The following EFCAB13 variants were observed in gnomAD, a reference collection of about 807,000 sequenced individuals.
The protein encoded by EFCAB13 is EF-hand calcium-binding domain-containing protein 13.
Under a neutral mutation model 110.2 loss-of-function variants are expected in EFCAB13, and 91 were observed. The ratio of observed to expected loss-of-function variants is 0.83; its 90% CI spans 0.70 to 0.98. The LOEUF (loss-of-function observed/expected upper bound fraction) is 0.98. Ranked by LOEUF, EFCAB13 falls within the 50% of genes least tolerant of loss-of-function variation. EFCAB13 has a pLI of 0.00. For synonymous variants in EFCAB13, 323 were observed against 369.9 expected (o/e 0.87, Z 1.45); for missense variants, 968 against 1,119.4 (o/e 0.86, Z 1.93).
chr17:47,439,171 G>GTTTTTTTT lies in EFCAB13; in HGVS notation c.2639-1243_2639-1236dup, dbSNP rs71141908. 3.1e-4 allele frequency among the ~76,000 whole-genome samples: 23 copies of GTTTTTTTT among 73,896 alleles called. 1 individual carries two copies. The highest frequency in any genetic ancestry group is 1.0e-3 in the South Asian group (2 of 1,970). 48.5% of individuals were successfully genotyped at this position (73,896 alleles called of 152,430 possible). On this transcript the variant is annotated intron_variant, in intron 24 of 24. Coordinates refer to ENST00000331493, the MANE Select transcript of EFCAB13 (RefSeq NM_152347.5). ...GCCACCTGAGTTTCCTCTTTGTTTT[G>GTTTTTTTT]TTTTTTTTTTTTTTTTTTTTTTTTA...
chr17:47,425,133 C>T (rs1904907135), intron 23 of EFCAB13, among the ~76,000 whole-genome samples: 1 of 151,518 alleles, frequency 6.6e-6, no homozygotes, highest in South Asian at 2.1e-4. Flanking sequence ...CCGCCCGCCT[C>T]GGCCTCCCAA....
At chr17:47,371,062 G>GTT (rs779767798) in intron 11 of EFCAB13, among the ~76,000 whole-genome samples, 110 of 108,974 alleles carry the variant, frequency 1.0e-3, no homozygotes, top group African/African-American at 3.0e-3. Flanking sequence ...TTTAATGGTT[G>GTT]TTTTTTTTTT....
intron 7 of EFCAB13, 68 bp downstream of exon 7, chr17:47,344,360 A>G: frequency 2.6e-6 from 4 of 1,523,610 alleles, no homozygotes; most frequent in Non-Finnish European, 3.6e-6. Context: ...CTCCAGAATC[A>G]TTTATCCCTT....
intron 17 of EFCAB13, among the ~76,000 whole-genome samples, chr17:47,398,020 G>C (rs191656389): frequency 0.015 from 2,178 of 145,768 alleles, 58 homozygotes; most frequent in East Asian, 0.12. Flanking sequence ...GAGGTGGGGG[G>C]ATCAGCCCCT....
chr17:47,338,856 CA>C (rs35131550), intron 5 of EFCAB13, among the ~76,000 whole-genome samples: 5 of 151,320 alleles, frequency 3.3e-5, no homozygotes, highest in African/African-American at 1.2e-4. Flanking sequence ...GATAGTGTGT[CA>C]AAAAAGCAAG....
intron 24 of EFCAB13, among the ~76,000 whole-genome samples, chr17:47,434,742 T>C (rs1436714091): frequency 1.3e-5 from 2 of 151,986 alleles, no homozygotes; most frequent in East Asian, 3.9e-4. Context: ...TAAAGCCAAA[T>C]ACAGCCAACT....
chr17:47,394,270 A>ACC (rs1157022230), intron 16 of EFCAB13, among the ~76,000 whole-genome samples, 171 bp downstream of exon 16: 2 of 152,104 alleles, frequency 1.3e-5, no homozygotes, highest in African/African-American at 4.8e-5. Context: ...TCCTCTAATG[A>ACC]CCCCTAATTC....
intron 20 of EFCAB13, among the ~76,000 whole-genome samples, chr17:47,408,062 C>G (rs1047744271): frequency 2.0e-5 from 3 of 152,116 alleles, no homozygotes; most frequent in Non-Finnish European, 2.9e-5. Flanking sequence ...TGTGGCATGG[C>G]TTTGAAGAAT....
intron 17 of EFCAB13, among the ~76,000 whole-genome samples, chr17:47,401,412 A>G (rs1159656881): frequency 6.6e-6 from 1 of 152,220 alleles, no homozygotes; most frequent in Non-Finnish European, 1.5e-5. Context: ...ACTGTGTAAG[A>G]AATGGGTGTA....
chr17:47,349,306 G>A (rs1490087331), intron 9 of EFCAB13, among the ~76,000 whole-genome samples: 1 of 152,134 alleles, frequency 6.6e-6, no homozygotes, highest in East Asian at 1.9e-4. Context: ...CATCACTGAT[G>A]TAAATAAACC....
chr17:47,409,963 GCTTTA>G (rs1461294907), intron 21 of EFCAB13, among the ~76,000 whole-genome samples: 1 of 151,876 alleles, frequency 6.6e-6, no homozygotes, highest in African/African-American at 2.4e-5. Flanking sequence ...AACTAAATTG[GCTTTA>G]CTTTAGTTCC....
intron 19 of EFCAB13, 131 bp downstream of exon 19, chr17:47,404,152 C>G: frequency 4.0e-6 from 3 of 757,356 alleles, no homozygotes; most frequent in Non-Finnish European, 5.9e-6. Context: ...TTAATTTCCT[C>G]TTTTGCAGTT....
At chr17:47,355,470 G>A (rs1483327703) in intron 9 of EFCAB13, among the ~76,000 whole-genome samples, 2 of 151,368 alleles carry the variant, frequency 1.3e-5, no homozygotes, top group African/African-American at 2.4e-5. Context: ...CCTCAAATAT[G>A]TTTTAACAAA....
chr17:47,347,777 AC>A (rs2065426046), intron 8 of EFCAB13, 30 bp from the exon 9 acceptor site: 4 of 1,356,138 alleles, frequency 2.9e-6, no homozygotes, highest in Non-Finnish European at 3.9e-6. Context: ...TTTTTGATTA[AC>A]TAACTAAATG....
rs753177393 is a variant in EFCAB13, at chr17:47,361,367, C to A, written c.662-11C>A. ...GTTGATTCTCATGGTATAATAATTT[C>A]TTTTTTGCAGCATTCCAGGATGCCT... is the stretch of plus-strand genomic sequence containing the variant. On this transcript the variant is annotated splice_polypyrimidine_tract_variant and intron_variant, in intron 9 of 24. Transcript: ENST00000331493. 7 of 1,610,388 alleles carry A rather than the reference C, an allele frequency of 4.3e-6. No individual in the cohort carries two copies. Among genetic ancestry groups the A allele is most frequent in the East Asian group, 2.2e-5 (1 of 44,732 alleles).
intron 15 of EFCAB13, among the ~76,000 whole-genome samples, 173 bp from the exon 16 acceptor site, chr17:47,393,852 T>G (rs1265227301): frequency 6.6e-6 from 1 of 151,804 alleles, no homozygotes; most frequent in Non-Finnish European, 1.5e-5. Context: ...CGTTTACTTC[T>G]CTACTGTAAA....
intron 4 of EFCAB13, among the ~76,000 whole-genome samples, chr17:47,329,230 G>A: frequency 6.6e-6 from 1 of 152,034 alleles, no homozygotes. Flanking sequence ...GCATTCCAGA[G>A]TCTTACCTAA....
chr17:47,419,697 C>G (rs2143486030), intron 23 of EFCAB13, among the ~76,000 whole-genome samples: 1 of 152,262 alleles, frequency 6.6e-6, no homozygotes, highest in African/African-American at 2.4e-5. Flanking sequence ...TTGGTTATTA[C>G]TGTTCAGGAG....
intron 23 of EFCAB13, among the ~76,000 whole-genome samples, chr17:47,421,855 CG>C (rs1418763272): frequency 6.6e-6 from 1 of 152,118 alleles, no homozygotes; most frequent in African/African-American, 2.4e-5. Flanking sequence ...CAGGTTCAGA[CG>C]GCTTCATTGG....
Sources: gnomAD v4.1 joint callset for allele counts (sites outside exome capture counted in the v4.1 genomes callset) on GRCh38, gnomAD v4.1.1 for gene constraint, MANE v1.5 for transcripts, NCBI Gene and HGNC (gene_info 2026-07-23, HGNC 2026-07-21) for gene names.